Variants in ZEB1 observed in about 807,000 individuals in gnomAD.
ZEB1 encodes the protein zinc finger E-box binding homeobox 1.
In ZEB1, 21 loss-of-function variants were observed where a neutral mutation model predicts 84.9. The ratio of observed to expected loss-of-function variants is 0.25; its 90% CI spans 0.18 to 0.36. The LOEUF is 0.36. ZEB1 is among the 10% of genes least tolerant of loss of function. The pLI, the probability that ZEB1 is intolerant of heterozygous loss-of-function variation, is 1.00. For missense variants in ZEB1, 1,104 were observed against 1,330.2 expected, an observed-to-expected ratio of 0.83 and a Z score of 2.65; for synonymous variants, 420 against 471.1, an observed-to-expected ratio of 0.89 and a Z score of 1.41.
At chr10:31,455,867 G>T (rs558687608) in intron 1 of ZEB1, among the ~76,000 whole-genome samples, 1 of 152,178 alleles carries the variant, frequency 6.6e-6, no homozygotes, top group African/African-American at 2.4e-5. Context: ...CAAGGATCTA[G>T]AACTACAAAT....
At chr10:31,443,371 T>C (rs1317023744) in intron 1 of ZEB1, among the ~76,000 whole-genome samples, 1 of 152,104 alleles carries the variant, frequency 6.6e-6, no homozygotes, top group Non-Finnish European at 1.5e-5. Flanking sequence ...ATAATGGCCT[T>C]CTTATTCCAG....
At chr10:31,432,699 G>A (rs2057862520) in intron 1 of ZEB1, among the ~76,000 whole-genome samples, 1 of 152,138 alleles carries the variant, frequency 6.6e-6, no homozygotes, top group Non-Finnish European at 1.5e-5. Context: ...ATTTAAAAGT[G>A]ATTTACGGCC....
intron 1 of ZEB1, chr10:31,362,958 C>T (rs2043610312): frequency 3.3e-6 from 5 of 1,533,826 alleles, no homozygotes; most frequent in African/African-American, 2.7e-5. Flanking sequence ...CCTGACCCAC[C>T]AACAGTGCCT....
At chr10:31,447,641 G>C (rs200086488) in intron 1 of ZEB1, among the ~76,000 whole-genome samples, 10 of 144,274 alleles carry the variant, frequency 6.9e-5, no homozygotes, top group African/African-American at 2.1e-4. Flanking sequence ...ATTTGCTTGT[G>C]TGTAAAGGAT....
chr10:31,328,890 A>G (rs1335804910), intron 1 of ZEB1, among the ~76,000 whole-genome samples: 1 of 152,104 alleles, frequency 6.6e-6, no homozygotes, highest in African/African-American at 2.4e-5. Context: ...GCACCTTCTC[A>G]TATATCCATT....
intron 3 of ZEB1, among the ~76,000 whole-genome samples, chr10:31,499,825 TATA>T (rs2067854094): frequency 1.3e-5 from 2 of 152,080 alleles, no homozygotes; most frequent in Non-Finnish European, 2.9e-5. Flanking sequence ...AAATACATCT[TATA>T]ATAATACTAA....
At chr10:31,366,839 C>T (rs2839657) in intron 1 of ZEB1, among the ~76,000 whole-genome samples, 87,108 of 151,994 alleles carry the variant, frequency 0.57, 27,885 homozygotes, top group African/African-American at 0.88. Flanking sequence ...GAGCAAGACT[C>T]CAGTGATCCT....
intron 5 of ZEB1, 105 bp downstream of exon 5, chr10:31,510,980 A>G (rs963459820): frequency 9.5e-7 from 1 of 1,050,390 alleles, no homozygotes; most frequent in African/African-American, 1.6e-5. Flanking sequence ...AGAATGTACT[A>G]AACAGTGCTA....
In ZEB1 at chr10:31,516,656, A is replaced by G. The variant is rs141628214; in HGVS notation, c.793+1948A>G. On this transcript the variant is annotated intron_variant, in intron 6 of 8. Coordinates refer to ENST00000424869, the MANE Select transcript of ZEB1 (RefSeq NM_001174096.2). The stretch of plus-strand genomic sequence containing the variant: ...AACGTTATTCCTTGGAACAACATAA[A>G]GAGAAAAGAACAAAACAGAAGTTAT... Among the ~76,000 whole-genome samples, 237 of 152,062 alleles carry G rather than the reference A, an allele frequency of 1.6e-3. 1 individual carries two copies. Among genetic ancestry groups the G allele is most frequent in the African/African-American group, 4.8e-3 (198 of 41,496 alleles).
chr10:31,331,077 CTTTCTTTTTTTTT>C (rs2036647558), intron 1 of ZEB1, among the ~76,000 whole-genome samples: 1 of 89,064 alleles, frequency 1.1e-5, no homozygotes, highest in African/African-American at 5.4e-5. Context: ...TTTTTTCTTT[CTTTCTTTTTTTTT>C]TTTTTTTTTT....
In ZEB1 at chr10:31,319,563, G is replaced by T. The variant is rs1272825624; in HGVS notation, c.58+271G>T. ...TCCCGCCGCCCCTGCCGCCTCCCTG[G>T]ACCGTTAGCCGGCGCCGACGCCGCC... is the stretch of plus-strand genomic sequence containing the variant. On this transcript the variant is annotated intron_variant, in intron 1 of 8. Coordinates refer to ENST00000424869, the MANE Select transcript of ZEB1 (RefSeq NM_001174096.2). 3.6e-5 allele frequency: 16 copies of T among 440,238 alleles called. 1 individual carries two copies. The Admixed American group carries it at 6.9e-4, about 19-fold the overall frequency. The allele number at this position is 440,238 out of a possible 1,614,324, so 27.3% of individuals were successfully genotyped here.
chr10:31,363,089 T>C (rs2043662321), intron 1 of ZEB1: 18 of 1,534,034 alleles, frequency 1.2e-5, no homozygotes, highest in Non-Finnish European at 1.6e-5. Context: ...TTGTGGGACC[T>C]GTGGCCGGCA....
chr10:31,464,269 C>T (rs568792295), intron 2 of ZEB1, among the ~76,000 whole-genome samples: 3 of 152,042 alleles, frequency 2.0e-5, no homozygotes, highest in South Asian at 2.1e-4. Context: ...AGGAGAATGG[C>T]GTGAACCCGG....
At chr10:31,329,103 C>T (rs2036213626) in intron 1 of ZEB1, among the ~76,000 whole-genome samples, 1 of 152,034 alleles carries the variant, frequency 6.6e-6, no homozygotes, top group African/African-American at 2.4e-5. Context: ...TACTTGCATA[C>T]ATGTGTAACT....
At chr10:31,368,278 C>G (rs918623724) in intron 1 of ZEB1, among the ~76,000 whole-genome samples, 1 of 152,044 alleles carries the variant, frequency 6.6e-6, no homozygotes, top group African/African-American at 2.4e-5. Flanking sequence ...CTTCAGCCTC[C>G]CAAGTTAGCT....
At chr10:31,490,182 G>C (rs540685515) in intron 2 of ZEB1, among the ~76,000 whole-genome samples, 100 of 151,470 alleles carry the variant, frequency 6.6e-4, no homozygotes, top group Middle Eastern at 6.8e-3. Flanking sequence ...GATTTGGGGG[G>C]TTAGGAGGTT....
At chr10:31,318,433 G>A (rs903211514), upstream of ZEB1, 1 of 152,466 alleles carries the variant, frequency 6.6e-6, no homozygotes, top group African/African-American at 2.4e-5. Context: ...CTCTACTAAG[G>A]AGGCTGCTGG....
rs534324991 is a variant in ZEB1 at position 31,507,255 on chromosome 10, T to C, written c.485-3418T>C. On this transcript the variant is annotated intron_variant, in intron 4 of 8. Transcript: ENST00000424869. ...TGATTGGACACTTTTCTCGTGTTGTTTTTAGAATATCTCTTTGTCTTTTAC... is the reference window on the plus strand; with the variant it reads ...TGATTGGACACTTTTCTCGTGTTGTCTTTAGAATATCTCTTTGTCTTTTAC... Among the ~76,000 whole-genome samples, 142 of 152,268 alleles carry C rather than the reference T, an allele frequency of 9.3e-4. 2 individuals are homozygous for C. The highest frequency in any genetic ancestry group is 3.3e-3 in the African/African-American group (139 of 41,554).
At chr10:31,356,831 A>C (rs1232774960) in intron 1 of ZEB1, among the ~76,000 whole-genome samples, 1 of 152,186 alleles carries the variant, frequency 6.6e-6, no homozygotes, top group Non-Finnish European at 1.5e-5. Flanking sequence ...GGGACAGCTA[A>C]TATTCTGCTC....
Sources: allele counts gnomAD v4.1 joint callset (sites outside exome capture counted in the v4.1 genomes callset), GRCh38; gene constraint gnomAD v4.1.1; transcripts MANE v1.5; gene names NCBI Gene and HGNC (gene_info 2026-07-23, HGNC 2026-07-21).